The following SNX25 variants were observed in gnomAD, a reference collection of about 807,000 sequenced individuals.
SNX25 encodes the protein sorting nexin-25.
Under a neutral mutation model 113.7 loss-of-function variants are expected in SNX25, and 62 were observed. The ratio of observed to expected loss-of-function variants is 0.55; its 90% CI spans 0.44 to 0.67. The LOEUF (loss-of-function observed/expected upper bound fraction) is 0.67, where lower values mean the gene tolerates loss of function less well. Ranked by LOEUF, SNX25 falls within the 30% of genes least tolerant of loss-of-function variation. The pLI is 0.00. For synonymous variants in SNX25, 421 were observed against 436.2 expected (o/e 0.97, Z 0.43); for missense variants, 1,014 against 1,161.0 (o/e 0.87, Z 1.84).
Position 185,289,365 on chromosome 4 carries a change from A to T in SNX25, c.1162+1283A>T, listed in dbSNP as rs549260511. On this transcript the variant is annotated intron_variant, in intron 6 of 18. Coordinates refer to ENST00000652585, the MANE Select transcript of SNX25 (RefSeq NM_001378034.2). Reference sequence around the variant, plus strand: ...TGGTAGGGAGTGCTGGTTCTGCTGCAGGGGAGGCTAATTCTGCATTCAGTT... The same window carrying T: ...TGGTAGGGAGTGCTGGTTCTGCTGCTGGGGAGGCTAATTCTGCATTCAGTT... 4.0e-4 allele frequency among the ~76,000 whole-genome samples: 61 copies of T among 152,310 alleles called. 1 individual carries two copies. The South Asian group carries it at 7.5e-3, about 19-fold the overall frequency.
intron 6 of SNX25, among the ~76,000 whole-genome samples, chr4:185,300,324 ATTTT>A (rs557323613): frequency 7.4e-6 from 1 of 135,228 alleles, no homozygotes. Context: ...ACACCCAGCT[ATTTT>A]TTTTTTTTTT....
chr4:185,249,536 T>C (rs1340294825), intron 2 of SNX25, among the ~76,000 whole-genome samples: 4 of 152,198 alleles, frequency 2.6e-5, no homozygotes, highest in African/African-American at 4.8e-5. Context: ...AGAAGATTTT[T>C]CTCCTAGTTT....
intron 10 of SNX25, among the ~76,000 whole-genome samples, chr4:185,333,695 G>C (rs977188919): frequency 5.9e-5 from 9 of 152,190 alleles, no homozygotes; most frequent in African/African-American, 2.2e-4. Context: ...GTCTTGGTTA[G>C]TAGTAATGTT....
At chr4:185,306,891 T>G (rs919447477) in intron 6 of SNX25, among the ~76,000 whole-genome samples, 1 of 152,212 alleles carries the variant, frequency 6.6e-6, no homozygotes, top group Non-Finnish European at 1.5e-5. Context: ...AATACTATTT[T>G]TTTCCTGTTG....
intron 13 of SNX25, among the ~76,000 whole-genome samples, chr4:185,350,977 A>G (rs1644678893): frequency 6.6e-6 from 1 of 152,170 alleles, no homozygotes; most frequent in African/African-American, 2.4e-5. Flanking sequence ...CCATGTGAAA[A>G]CTCAAAGTTC....
intron 3 of SNX25, among the ~76,000 whole-genome samples, chr4:185,262,407 TTCTTTGCTGG>T (rs1747448776): frequency 6.6e-6 from 1 of 152,242 alleles, no homozygotes; most frequent in South Asian, 2.1e-4. Flanking sequence ...TTTCATAGTT[TTCTTTGCTGG>T]TCGAGTACTG....
intron 6 of SNX25, among the ~76,000 whole-genome samples, chr4:185,305,238 C>G (rs568744628): frequency 1.1e-4 from 16 of 152,220 alleles, no homozygotes; most frequent in Admixed American, 1.0e-3. Flanking sequence ...GACAGCCCCC[C>G]ACAGCTGAGA....
chr4:185,372,974 C>T (rs753160276), downstream of SNX25: 34 of 1,613,904 alleles, frequency 2.1e-5, no homozygotes, highest in Admixed American at 3.3e-5. Flanking sequence ...TGCAGGGCAG[C>T]TTCCGTATCC....
At chr4:185,378,270 A>G in the SNX25 span, 2 of 1,574,002 alleles carry the variant, frequency 1.3e-6, no homozygotes, top group Non-Finnish European at 1.7e-6. Flanking sequence ...GCAAAGAGAG[A>G]CTCTATTCCC....
At chr4:185,349,710 C>T in intron 13 of SNX25, among the ~76,000 whole-genome samples, 1 of 152,098 alleles carries the variant, frequency 6.6e-6, no homozygotes, top group East Asian at 1.9e-4. Context: ...GTCCTTTGCC[C>T]ACTTTTTAAT....
intron 6 of SNX25, among the ~76,000 whole-genome samples, chr4:185,290,697 C>A (rs1752040723): frequency 1.3e-5 from 2 of 148,824 alleles, no homozygotes; most frequent in South Asian, 4.6e-4. Flanking sequence ...ACGGTGTATT[C>A]TGGTTGAATT....
intron 8 of SNX25, 112 bp from the exon 9 acceptor site, chr4:185,323,416 G>A: frequency 2.1e-6 from 2 of 957,452 alleles, no homozygotes; most frequent in Non-Finnish European, 3.1e-6. Context: ...CTACATACCA[G>A]GGTGCATCTT....
upstream of SNX25, among the ~76,000 whole-genome samples, chr4:185,204,662 G>T (rs1737108141): frequency 6.6e-6 from 1 of 152,166 alleles, no homozygotes; most frequent in Non-Finnish European, 1.5e-5. Context: ...GATCAAAATG[G>T]GAAGATTAAC....
At chr4:185,208,705 G>A (rs1737317846), upstream of SNX25, among the ~76,000 whole-genome samples, 1 of 151,656 alleles carries the variant, frequency 6.6e-6, no homozygotes, top group Admixed American at 6.6e-5. Context: ...TCCAGCCTGG[G>A]CAACAGAGAC....
chr4:185,326,016 C>G (rs1429465758), intron 9 of SNX25, among the ~76,000 whole-genome samples: 2 of 152,206 alleles, frequency 1.3e-5, no homozygotes, highest in African/African-American at 4.8e-5. Flanking sequence ...TCTTATTGCA[C>G]TTATGCAAAT....
At chr4:185,273,760 G>T (rs533131402) in intron 5 of SNX25, among the ~76,000 whole-genome samples, 2 of 152,152 alleles carry the variant, frequency 1.3e-5, no homozygotes, top group Non-Finnish European at 2.9e-5. Flanking sequence ...TACGTGAGAT[G>T]ATGCAGTGTT....
chr4:185,375,800 A>C, the SNX25 span: 1 of 888,508 alleles, frequency 1.1e-6, no homozygotes, highest in South Asian at 1.7e-5. Context: ...CAAGTGGTCA[A>C]GTGTTTGTGC....
In SNX25 at chr4:185,343,015, C is replaced by T. The variant is rs536706339; in HGVS notation, c.2187+899C>T. Among the ~76,000 whole-genome samples the T allele has an allele frequency of 5.9e-3, 904 of 152,256 alleles. 4 individuals are homozygous for T. Among genetic ancestry groups the T allele is most frequent in the Non-Finnish European group, 9.8e-3 (665 of 68,016 alleles). On this transcript the variant is annotated intron_variant, in intron 12 of 18. Transcript: ENST00000652585. ...AAGCGATTCTCCTGCCTCAGCCTCC[C>T]GAGTAGCTGGGATTACAGGCATGTG...
chr4:185,375,490 A>ATATATATATG, the SNX25 span: 1 of 49,098 alleles, frequency 2.0e-5, no homozygotes, highest in Non-Finnish European at 3.2e-5. Flanking sequence ...AAAAAAAAAT[A>ATATATATATG]TATATATATA....
Sources: gnomAD v4.1 joint callset for allele counts (sites outside exome capture counted in the v4.1 genomes callset) on GRCh38, gnomAD v4.1.1 for gene constraint, MANE v1.5 for transcripts, NCBI Gene and HGNC (gene_info 2026-07-23, HGNC 2026-07-21) for gene names.